The following IPO11 variants were observed in gnomAD, a reference collection of about 807,000 sequenced individuals.
The protein encoded by IPO11 is importin 11.
In IPO11, 66 loss-of-function variants were observed where a neutral mutation model predicts 143.2. The ratio of observed to expected loss-of-function variants is 0.46; its 90% confidence interval spans 0.38 to 0.57. The LOEUF is 0.57. Among genes scored for constraint, IPO11 ranks in the 20% least tolerant of loss-of-function variants. The pLI is 0.00. For synonymous variants in IPO11, 385 were observed against 377.8 expected, an observed-to-expected ratio of 1.02 and a Z score of -0.22; for missense variants, 1,026 against 1,141.0, an observed-to-expected ratio of 0.90 and a Z score of 1.45.
At chr5:62,556,394 A>G (rs560657743) in intron 26 of IPO11, among the ~76,000 whole-genome samples, 2 of 152,340 alleles carry the variant, frequency 1.3e-5, no homozygotes, top group South Asian at 4.1e-4. Context: ...AAAGCATCAT[A>G]TGAGGACTAC....
chr5:62,460,340 A>G (rs929574056), intron 5 of IPO11, among the ~76,000 whole-genome samples: 1 of 152,194 alleles, frequency 6.6e-6, no homozygotes, highest in Non-Finnish European at 1.5e-5. Context: ...GACTTGTTAA[A>G]AAAAAACTAG....
At chr5:62,513,586 A>AGGGG (rs1741874209) in intron 19 of IPO11, among the ~76,000 whole-genome samples, 1 of 112,120 alleles carries the variant, frequency 8.9e-6, no homozygotes, top group South Asian at 3.1e-4. Context: ...GGCTGGGCAG[A>AGGGG]CGGGCTCCTG....
chr5:62,546,019 C>G (rs549769863), intron 24 of IPO11, among the ~76,000 whole-genome samples: 1 of 152,310 alleles, frequency 6.6e-6, no homozygotes, highest in South Asian at 2.1e-4. Flanking sequence ...ACTGGTTCAA[C>G]CATTGTGGAA....
chr5:62,481,179 A>G (rs762818018), intron 9 of IPO11, among the ~76,000 whole-genome samples: 1 of 151,922 alleles, frequency 6.6e-6, no homozygotes, highest in African/African-American at 2.4e-5. Context: ...TGGCCTCCCA[A>G]AGTGCTGGGA....
chr5:62,543,064 A>G (rs1743021355), intron 24 of IPO11, among the ~76,000 whole-genome samples: 1 of 151,218 alleles, frequency 6.6e-6, no homozygotes, highest in African/African-American at 2.4e-5. Flanking sequence ...TACAGATGAG[A>G]AATTAAATCA....
rs762389308 is a variant in IPO11, at chr5:62,438,739, C to T, written c.138+1322C>T. ...TGTACTCCAGTCTGGGCAACAAGAACGAAACTCCATCTCAAAAAAAAAAGG... is the reference window on the plus strand; with the variant it reads ...TGTACTCCAGTCTGGGCAACAAGAATGAAACTCCATCTCAAAAAAAAAAGG... On this transcript the variant is annotated intron_variant, in intron 2 of 29. Transcript: ENST00000325324. 4.8e-5 allele frequency among the ~76,000 whole-genome samples: 7 copies of T among 144,474 alleles called. No individual in the cohort carries two copies. The East Asian group carries it at 1.2e-3, about 25-fold the overall frequency. 94.8% of individuals were successfully genotyped at this position (144,474 alleles called of 152,430 possible).
chr5:62,429,324 A>G (rs1322871685), intron 1 of IPO11, among the ~76,000 whole-genome samples: 2 of 152,162 alleles, frequency 1.3e-5, no homozygotes, highest in Non-Finnish European at 2.9e-5. Context: ...AGGCTCATTC[A>G]TGTTTTAGTA....
chr5:62,433,628 G>A (rs1389914738), intron 1 of IPO11, among the ~76,000 whole-genome samples: 2 of 152,176 alleles, frequency 1.3e-5, no homozygotes, highest in Non-Finnish European at 2.9e-5. Flanking sequence ...TATGAACTGA[G>A]CTCTTCCCCG....
rs1744723073 is a variant in IPO11, at chr5:62,446,367, A to G, written c.239+3284A>G. ...GTGTTCAACTTTAGTAGATATTGTT[A>G]ATTAATTTTCTAGGCTGGTTGTACG... is the stretch of plus-strand genomic sequence containing the variant. On this transcript the variant is annotated intron_variant, in intron 3 of 29. Transcript: ENST00000325324. Among the ~76,000 whole-genome samples the G allele has an allele frequency of 2.6e-5, 4 of 152,182 alleles. No individual in the cohort carries two copies. In the South Asian group the frequency reaches 8.3e-4, roughly 31 times the overall value.
At chr5:62,625,847 C>T (rs1746548173) in intron 29 of IPO11, among the ~76,000 whole-genome samples, 1 of 152,132 alleles carries the variant, frequency 6.6e-6, no homozygotes, top group African/African-American at 2.4e-5. Flanking sequence ...TGTCCTTATA[C>T]CAAATGGCCA....
intron 10 of IPO11, 108 bp from the exon 11 acceptor site, chr5:62,483,902 A>G: frequency 6.7e-6 from 6 of 898,200 alleles, no homozygotes; most frequent in Non-Finnish European, 1.0e-5. Flanking sequence ...TTTATACACA[A>G]GTGTATCTTC....
At chr5:62,461,738 A>G (rs773152289) in intron 5 of IPO11, among the ~76,000 whole-genome samples, 4 of 152,200 alleles carry the variant, frequency 2.6e-5, no homozygotes, top group African/African-American at 4.8e-5. Context: ...TGTGCCAGGC[A>G]TCTTATGTGC....
intron 29 of IPO11, among the ~76,000 whole-genome samples, chr5:62,626,949 G>A (rs558438756): frequency 5.3e-5 from 8 of 152,282 alleles, no homozygotes; most frequent in African/African-American, 1.7e-4. Context: ...TTCAGGGGGC[G>A]CTAGGGAACT....
intron 27 of IPO11, among the ~76,000 whole-genome samples, chr5:62,586,769 ATATATAT>A (rs1350369947): frequency 2.1e-5 from 1 of 47,764 alleles, no homozygotes; most frequent in African/African-American, 1.0e-4. Flanking sequence ...AAAAAAAAAA[ATATATAT>A]ATATATATAT....
chr5:62,433,044 C>G (rs989641284), intron 1 of IPO11, among the ~76,000 whole-genome samples: 4 of 152,096 alleles, frequency 2.6e-5, no homozygotes, highest in African/African-American at 9.7e-5. Flanking sequence ...ATGGTTTTAG[C>G]ATGGGTTATT....
Position 62,427,910 on chromosome 5 carries a change from A to G in IPO11, c.-6-9364A>G, listed in dbSNP as rs750540681. ...AAATATATGGAAGCATCTTTAGTCA[A>G]TCTGTTTGAGGTATTAATAACGTAT... On this transcript the variant is annotated intron_variant, in intron 1 of 29. Transcript: ENST00000325324. Among the ~76,000 whole-genome samples the G allele has an allele frequency of 1.4e-4, 21 of 152,192 alleles. No individual in the cohort carries two copies. In the East Asian group the frequency reaches 2.3e-3, roughly 17 times the overall value.
At chr5:62,605,875 G>T (rs747339306) in intron 29 of IPO11, among the ~76,000 whole-genome samples, 1 of 151,946 alleles carries the variant, frequency 6.6e-6, no homozygotes, top group Admixed American at 6.6e-5. Context: ...AGCTGAGACC[G>T]CATGTGCATG....
chr5:62,420,299 A>G (rs1443059543), intron 1 of IPO11, among the ~76,000 whole-genome samples: 2 of 151,874 alleles, frequency 1.3e-5, no homozygotes, highest in African/African-American at 4.8e-5. Context: ...CTCAAAAAAA[A>G]AAAAAAAAAA....
intron 16 of IPO11, among the ~76,000 whole-genome samples, chr5:62,498,323 C>G (rs986988778): frequency 6.6e-6 from 1 of 152,086 alleles, no homozygotes; most frequent in African/African-American, 2.4e-5. Context: ...GACCAAAACA[C>G]CTTCTAAAAA....
Sources: gnomAD v4.1 joint callset for allele counts (sites outside exome capture counted in the v4.1 genomes callset) on GRCh38, gnomAD v4.1.1 for gene constraint, MANE v1.5 for transcripts, NCBI Gene and HGNC (gene_info 2026-07-23, HGNC 2026-07-21) for gene names.